The following KCNQ5 variants were observed in gnomAD, a reference collection of about 807,000 sequenced individuals.
The protein encoded by KCNQ5 is potassium voltage-gated channel subfamily Q member 5, also known as potassium voltage-gated channel subfamily KQT member 5.
A neutral mutation model predicts 98.2 loss-of-function variants in KCNQ5; 30 were observed. That is an observed-to-expected ratio of 0.31 (90% CI 0.23 to 0.41). KCNQ5 has a LOEUF of 0.41. Ranked by LOEUF, KCNQ5 falls within the 10% of genes least tolerant of loss-of-function variation. KCNQ5 has a pLI of 1.00. For synonymous variants in KCNQ5, 458 were observed against 449.4 expected, an observed-to-expected ratio of 1.02 and a Z score of -0.24; for missense variants, 835 against 1,182.5, an observed-to-expected ratio of 0.71 and a Z score of 4.31.
chr6:73,006,984 C>T (rs1477683536), intron 2 of KCNQ5, among the ~76,000 whole-genome samples: 1 of 152,162 alleles, frequency 6.6e-6, no homozygotes, highest in African/African-American at 2.4e-5. Flanking sequence ...CTAATTGTTC[C>T]CTTGAGGGCA....
At chr6:73,009,682 G>A (rs945109244) in intron 2 of KCNQ5, among the ~76,000 whole-genome samples, 5 of 152,120 alleles carry the variant, frequency 3.3e-5, no homozygotes, top group South Asian at 2.1e-4. Flanking sequence ...AATCAGAAAT[G>A]GAAATGGGAA....
intron 1 of KCNQ5, among the ~76,000 whole-genome samples, chr6:72,998,857 C>A (rs1378941976): frequency 6.6e-6 from 1 of 152,164 alleles, no homozygotes; most frequent in African/African-American, 2.4e-5. Context: ...GCAGAGAGCA[C>A]CTGCTAGGTG....
At chr6:72,874,931 A>T (rs1778352533) in intron 1 of KCNQ5, among the ~76,000 whole-genome samples, 1 of 152,204 alleles carries the variant, frequency 6.6e-6, no homozygotes, top group African/African-American at 2.4e-5. Context: ...TTTAAATAAC[A>T]TTGTACACAT....
chr6:72,846,959 C>A (rs887998980), intron 1 of KCNQ5, among the ~76,000 whole-genome samples: 1 of 152,072 alleles, frequency 6.6e-6, no homozygotes, highest in Non-Finnish European at 1.5e-5. Context: ...CAAAACAGGC[C>A]TCATTCCTTT....
intron 3 of KCNQ5, 131 bp downstream of exon 3, chr6:73,042,193 G>T (rs1771743692): frequency 9.5e-7 from 1 of 1,049,850 alleles, no homozygotes; most frequent in Admixed American, 1.8e-5. Context: ...GGGCACTCTT[G>T]TGTCTTGAAA....
chr6:72,669,503 T>C lies in KCNQ5; in HGVS notation c.398+46916T>C, dbSNP rs541958706. On this transcript the variant is annotated intron_variant, in intron 1 of 13. Transcript: ENST00000370398. ...GCAGGGTGGCCCCACCTTGTGGGTC[T>C]CTGAGGCAGCTCCACTCTCTGAAAC... is the stretch of plus-strand genomic sequence containing the variant. Among the ~76,000 whole-genome samples, 103 of 152,316 alleles carry C rather than the reference T, an allele frequency of 6.8e-4. 1 individual carries two copies. The highest frequency in any genetic ancestry group is 2.4e-3 in the African/African-American group (99 of 41,580).
At chr6:72,637,048 C>CT (rs1371061740) in intron 1 of KCNQ5, among the ~76,000 whole-genome samples, 3 of 152,190 alleles carry the variant, frequency 2.0e-5, no homozygotes. Context: ...GGAGTTCCCA[C>CT]TCATCATAGT....
chr6:73,075,853 G>A (rs947869674), intron 3 of KCNQ5, among the ~76,000 whole-genome samples: 2 of 152,072 alleles, frequency 1.3e-5, no homozygotes, highest in Admixed American at 6.6e-5. Context: ...AGACCAGCCT[G>A]GGCAACATAG....
chr6:72,946,208 A>G (rs1444451911), intron 1 of KCNQ5, among the ~76,000 whole-genome samples: 1 of 152,202 alleles, frequency 6.6e-6, no homozygotes, highest in Non-Finnish European at 1.5e-5. Context: ...AACCATCTAT[A>G]TGTGTTCCTA....
At chr6:72,707,867 C>T (rs545013283) in intron 1 of KCNQ5, among the ~76,000 whole-genome samples, 3 of 152,246 alleles carry the variant, frequency 2.0e-5, no homozygotes, top group African/African-American at 7.2e-5. Context: ...ATGGTGCCAC[C>T]ACAACTGGCT....
chr6:72,901,779 G>A (rs1215532084), intron 1 of KCNQ5, among the ~76,000 whole-genome samples: 1 of 152,148 alleles, frequency 6.6e-6, no homozygotes, highest in Admixed American at 6.5e-5. Flanking sequence ...ATCAGGTAAT[G>A]TGATGCCTCC....
intron 1 of KCNQ5, among the ~76,000 whole-genome samples, chr6:72,625,231 G>T (rs1224575057): frequency 2.6e-5 from 4 of 152,098 alleles, no homozygotes; most frequent in Non-Finnish European, 5.9e-5. Context: ...TGGTATTTTA[G>T]GGTTATAAAA....
Position 72,978,924 on chromosome 6 carries a change from A to G in KCNQ5, c.399-24984A>G, listed in dbSNP as rs145804702. ...TTCCCGCCTGTGAGTGAGAACATGC[A>G]GTGTTTGGTTTTCTGTCCTTGTGAT... On this transcript the variant is annotated intron_variant, in intron 1 of 13. Coordinates refer to ENST00000370398, the MANE Select transcript of KCNQ5 (RefSeq NM_019842.4). 2.4e-3 allele frequency among the ~76,000 whole-genome samples: 361 copies of G among 152,030 alleles called. 1 individual carries two copies. The highest frequency in any genetic ancestry group is 2.6e-3 in the Non-Finnish European group (179 of 68,000).
chr6:72,878,714 A>G (rs940850035), intron 1 of KCNQ5, among the ~76,000 whole-genome samples: 4 of 152,332 alleles, frequency 2.6e-5, no homozygotes, highest in Admixed American at 2.0e-4. Context: ...AACTTCATGA[A>G]GTTCATTTTA....
At chr6:72,628,224 T>A (rs2098918978) in intron 1 of KCNQ5, among the ~76,000 whole-genome samples, 1 of 152,176 alleles carries the variant, frequency 6.6e-6, no homozygotes, top group Non-Finnish European at 1.5e-5. Context: ...AACTACCAAG[T>A]CTTTTCAGTT....
At chr6:72,710,998 T>C (rs1399868327) in intron 1 of KCNQ5, among the ~76,000 whole-genome samples, 2 of 152,018 alleles carry the variant, frequency 1.3e-5, no homozygotes, top group African/African-American at 4.8e-5. Flanking sequence ...TTTCTGACCA[T>C]AGTAGTAGGA....
chr6:73,069,182 T>C (rs1773200183), intron 3 of KCNQ5, among the ~76,000 whole-genome samples: 1 of 152,186 alleles, frequency 6.6e-6, no homozygotes, highest in African/African-American at 2.4e-5. Flanking sequence ...TGTCCAATTT[T>C]CTACTAGCAT....
At chr6:72,948,642 A>T (rs1442985292) in intron 1 of KCNQ5, among the ~76,000 whole-genome samples, 2 of 152,190 alleles carry the variant, frequency 1.3e-5, no homozygotes, top group African/African-American at 2.4e-5. Context: ...TTTCAAAAAA[A>T]TTTTCCTTAA....
At chr6:72,987,147 G>T (rs960785405) in intron 1 of KCNQ5, 2 of 661,760 alleles carry the variant, frequency 3.0e-6, no homozygotes, top group Non-Finnish European at 5.5e-6. Context: ...TAAGGCCCCC[G>T]AGAAGAAAAA....
Sources: allele counts gnomAD v4.1 joint callset (sites outside exome capture counted in the v4.1 genomes callset), GRCh38; gene constraint gnomAD v4.1.1; transcripts MANE v1.5; gene names NCBI Gene and HGNC (gene_info 2026-07-23, HGNC 2026-07-21).